Variants in RAB38 observed in about 807,000 individuals in gnomAD.
RAB38 encodes the protein ras-related protein Rab-38.
RAB38 carries 15 observed loss-of-function variants against 18.4 expected under a neutral mutation model. The ratio of observed to expected loss-of-function variants is 0.82; its 90% CI spans 0.55 to 1.26. The LOEUF is 1.26. RAB38 is among the 50% of genes most tolerant of loss of function. RAB38 has a pLI of 0.00. For synonymous variants in RAB38, 101 were observed against 104.4 expected, an observed-to-expected ratio of 0.97 and a Z score of 0.20; for missense variants, 294 against 267.4, an observed-to-expected ratio of 1.10 and a Z score of -0.69.
the RAB38 span, among the ~76,000 whole-genome samples, chr11:88,015,648 C>T: frequency 3.9e-5 from 6 of 152,040 alleles, no homozygotes; most frequent in African/African-American, 7.2e-5. Flanking sequence ...AAGTGAGTTA[C>T]GAAAACATTA....
the RAB38 span, among the ~76,000 whole-genome samples, chr11:88,065,786 G>C: frequency 6.6e-6 from 1 of 152,218 alleles, no homozygotes; most frequent in African/African-American, 2.4e-5. Context: ...TGAACTCATA[G>C]TTTATTGCAC....
chr11:88,033,128 CA>C, the RAB38 span, among the ~76,000 whole-genome samples: 1 of 151,090 alleles, frequency 6.6e-6, no homozygotes, highest in South Asian at 2.1e-4. Context: ...ATTGCAAGAA[CA>C]AAAAACCAAA....
rs985704446 is a variant in RAB38 at position 88,149,926 on chromosome 11, C to A, written c.232G>T (p.Val78Phe). Residue 78 changes from valine to phenylalanine, a missense_variant, in exon 2 of 3, where the codon GTC (valine) becomes TTC (phenylalanine). Physicochemically the swap from Val to Phe is conservative, Grantham distance 50 (BLOSUM62 -1). Transcript: ENST00000243662. ...GQERFGNMTR[V>F]YYREAMGAFI... is the part of the protein sequence containing the mutation. ...GCACCCATAGCTTCTCGGTAATAGA[C>A]CCTCGTCATGTTTCCAAATCTTTCT... 4 of 1,613,166 alleles carry A rather than the reference C, an allele frequency of 2.5e-6. No homozygotes were observed. The highest frequency in any genetic ancestry group is 3.4e-6 in the Non-Finnish European group (4 of 1,179,508).
chr11:88,112,243 C>A (rs774212536), downstream of RAB38, among the ~76,000 whole-genome samples: 1 of 152,168 alleles, frequency 6.6e-6, no homozygotes, highest in Non-Finnish European at 1.5e-5. Context: ...CAACACAGAT[C>A]ATCCTTTTCC....
the RAB38 span, among the ~76,000 whole-genome samples, chr11:87,931,722 A>C: frequency 1.3e-5 from 2 of 152,144 alleles, no homozygotes; most frequent in Non-Finnish European, 1.5e-5. Context: ...TAAATTAACA[A>C]GTGTATTAAG....
chr11:88,059,271 A>T, the RAB38 span, among the ~76,000 whole-genome samples: 1 of 152,238 alleles, frequency 6.6e-6, no homozygotes, highest in Non-Finnish European at 1.5e-5. Flanking sequence ...TGGCAAACTC[A>T]TTAACTCTCC....
the RAB38 span, among the ~76,000 whole-genome samples, chr11:87,963,651 C>CT: frequency 0.14 from 19,605 of 143,298 alleles, 1,498 homozygotes; most frequent in Middle Eastern, 0.2. Flanking sequence ...TTCTTTTTTT[C>CT]TTTTTTTTTT....
chr11:88,033,221 C>G, the RAB38 span, among the ~76,000 whole-genome samples: 2 of 150,132 alleles, frequency 1.3e-5, no homozygotes, highest in African/African-American at 4.9e-5. Context: ...ACTCTGGGGA[C>G]TGTTGTGGCG....
chr11:87,842,629 G>A, the RAB38 span, among the ~76,000 whole-genome samples: 4 of 152,000 alleles, frequency 2.6e-5, no homozygotes, highest in South Asian at 2.1e-4. Flanking sequence ...TTTAATCACC[G>A]CTTAACAAAA....
At chr11:87,943,900 T>C in the RAB38 span, among the ~76,000 whole-genome samples, 15 of 152,176 alleles carry the variant, frequency 9.9e-5, no homozygotes, top group African/African-American at 3.6e-4. Context: ...TACTTTTCCA[T>C]TTATAAACCC....
chr11:87,941,494 T>G, the RAB38 span, among the ~76,000 whole-genome samples: 3 of 151,692 alleles, frequency 2.0e-5, no homozygotes, highest in African/African-American at 7.3e-5. Flanking sequence ...GATGGTATGA[T>G]TTTACTAAAA....
the RAB38 span, among the ~76,000 whole-genome samples, chr11:88,072,445 A>G: frequency 2.6e-5 from 4 of 152,354 alleles, no homozygotes; most frequent in Admixed American, 2.6e-4. Flanking sequence ...GTGAGATACT[A>G]TCAATGGTTT....
chr11:88,076,970 AAAAAAG>A, the RAB38 span, among the ~76,000 whole-genome samples: 36 of 110,104 alleles, frequency 3.3e-4, no homozygotes, highest in African/African-American at 6.2e-4. Context: ...AAAAAAAAAA[AAAAAAG>A]AAAGAAAGAA....
chr11:87,965,114 C>A, the RAB38 span, among the ~76,000 whole-genome samples: 1 of 152,038 alleles, frequency 6.6e-6, no homozygotes, highest in Non-Finnish European at 1.5e-5. Flanking sequence ...CAGGTTGTAA[C>A]CAAAAATGTC....
the RAB38 span, among the ~76,000 whole-genome samples, chr11:88,046,190 C>T: frequency 6.6e-6 from 1 of 152,256 alleles, no homozygotes; most frequent in East Asian, 1.9e-4. Flanking sequence ...TCCCGCAGCA[C>T]GCTTTAAAAG....
chr11:87,941,625 G>A, the RAB38 span, among the ~76,000 whole-genome samples: 1 of 152,042 alleles, frequency 6.6e-6, no homozygotes, highest in Non-Finnish European at 1.5e-5. Context: ...TGGAATAAAG[G>A]AATGAAGAAA....
the RAB38 span, among the ~76,000 whole-genome samples, chr11:87,931,764 T>C: frequency 6.6e-6 from 1 of 152,126 alleles, no homozygotes; most frequent in East Asian, 1.9e-4. Flanking sequence ...TTTCCTTAGC[T>C]GGTACACCAA....
At chr11:87,907,880 C>T in the RAB38 span, among the ~76,000 whole-genome samples, 10 of 151,592 alleles carry the variant, frequency 6.6e-5, no homozygotes, top group Non-Finnish European at 1.5e-4. Context: ...GATAAATTTG[C>T]TATACTTATT....
chr11:87,804,641 C>T, the RAB38 span, among the ~76,000 whole-genome samples: 7 of 151,922 alleles, frequency 4.6e-5, no homozygotes, highest in South Asian at 2.1e-4. Context: ...TTTTCAGTCT[C>T]GGAAGTAAGG....
Sources: allele counts gnomAD v4.1 joint callset (sites outside exome capture counted in the v4.1 genomes callset), GRCh38; gene constraint gnomAD v4.1.1; transcripts MANE v1.5; gene names NCBI Gene and HGNC (gene_info 2026-07-23, HGNC 2026-07-21).